Variants in ITSN2 observed in about 807,000 individuals in gnomAD.
ITSN2 encodes intersectin 2, also known as intersectin-2.
In ITSN2, 156 loss-of-function variants were observed where a neutral mutation model predicts 243.7. The ratio of observed to expected loss-of-function variants is 0.64; its 90% CI spans 0.56 to 0.73. ITSN2 has a LOEUF of 0.73. Among genes scored for constraint, ITSN2 ranks in the 30% least tolerant of loss-of-function variants. The probability of loss-of-function intolerance (pLI) is 0.00; values close to 1 mark genes in which losing one functional copy is unlikely to be tolerated. For missense variants in ITSN2, 1,801 were observed against 1,996.1 expected (o/e 0.90, Z 1.86); for synonymous variants, 703 against 699.9 (o/e 1.00, Z -0.07).
intron 29 of ITSN2, among the ~76,000 whole-genome samples, chr2:24,227,413 T>C (rs1488131313): frequency 2.0e-5 from 3 of 151,764 alleles, no homozygotes; most frequent in Non-Finnish European, 4.4e-5. Flanking sequence ...AAAATATATA[T>C]GTTTAACATT....
At chr2:24,260,660 C>A (rs1418878360) in intron 22 of ITSN2, among the ~76,000 whole-genome samples, 1 of 152,104 alleles carries the variant, frequency 6.6e-6, no homozygotes, top group African/African-American at 2.4e-5. Context: ...GTAATCCCAA[C>A]ATTTTGGGAC....
rs193183190 is a variant in ITSN2, at chr2:24,293,035, A to T, written c.1723+653T>A. Among the ~76,000 whole-genome samples, 12 of 152,342 alleles carry T rather than the reference A, an allele frequency of 7.9e-5. No individual in the cohort carries two copies. In the East Asian group the frequency reaches 2.1e-3, roughly 27 times the overall value. On this transcript the variant is annotated intron_variant, in intron 15 of 39. Coordinates refer to ENST00000355123, the MANE Select transcript of ITSN2 (RefSeq NM_006277.3). ...CATCTGCAGATTTACTTTTCTTTAAATAAACCTTGTTTCTGCTATGCTTTT... is the reference window on the plus strand; with the variant it reads ...CATCTGCAGATTTACTTTTCTTTAATTAAACCTTGTTTCTGCTATGCTTTT...
At position 24,204,279 on chromosome 2, in the gene ITSN2, G is replaced by GA. The variant is rs1349218307; in HGVS notation, c.4901dup (p.Thr1635HisfsTer4). On this transcript the variant is annotated frameshift_variant, in exon 39 of 40. Transcript: ENST00000355123. LOFTEE classifies it high-confidence loss of function. The surrounding 1 kb of genome is among the most constrained non-coding windows in gnomAD (Gnocchi z 5.1). ...AAAACTGGTCTCTGTCAAACAGGGTGAGACACAGCACGTCTTGGTAGAGAT... is the reference window on the plus strand; with the variant it reads ...AAAACTGGTCTCTGTCAAACAGGGTGAAGACACAGCACGTCTTGGTAGAGAT... 6.2e-7 allele frequency: 1 copy of GA among 1,614,038 alleles called. No homozygotes were observed. Among genetic ancestry groups the GA allele is most frequent in the Non-Finnish European group, 8.5e-7 (1 of 1,180,018 alleles).
intron 12 of ITSN2, among the ~76,000 whole-genome samples, 170 bp downstream of exon 12, chr2:24,299,739 C>T (rs1681481543): frequency 6.6e-6 from 1 of 152,216 alleles, no homozygotes; most frequent in South Asian, 2.1e-4. Context: ...CAAGAAGCCT[C>T]TTTCCCTCCT....
chr2:24,207,768 CA>C (rs998814648), intron 37 of ITSN2, among the ~76,000 whole-genome samples: 22 of 151,398 alleles, frequency 1.5e-4, no homozygotes, highest in Admixed American at 5.9e-4. Flanking sequence ...GGGGAGGAGG[CA>C]GGGGCAGAAG....
At chr2:24,272,101 A>AAATC (rs1163921168) in intron 18 of ITSN2, among the ~76,000 whole-genome samples, 160 bp from the exon 19 acceptor site, 4 of 152,308 alleles carry the variant, frequency 2.6e-5, no homozygotes, top group Admixed American at 6.5e-5. Flanking sequence ...AAAGGAAAAC[A>AAATC]AATCAATCAA....
At chr2:24,342,153 A>T (rs1687102462) in intron 1 of ITSN2, among the ~76,000 whole-genome samples, 1 of 152,072 alleles carries the variant, frequency 6.6e-6, no homozygotes, top group African/African-American at 2.4e-5. Context: ...AAGCAGAAGA[A>T]AGAGCGATTG....
At chr2:24,236,520 A>ATT (rs1255995109) in intron 29 of ITSN2, among the ~76,000 whole-genome samples, 1 of 152,162 alleles carries the variant, frequency 6.6e-6, no homozygotes, top group Non-Finnish European at 1.5e-5. Flanking sequence ...AAAAAAAGTG[A>ATT]TTACATTCAG....
intron 35 of ITSN2, among the ~76,000 whole-genome samples, chr2:24,209,493 G>C (rs1314555751): frequency 1.3e-5 from 2 of 152,232 alleles, no homozygotes; most frequent in Non-Finnish European, 2.9e-5. Flanking sequence ...GGTGCAAAAG[G>C]CTCTCTGCTA....
Position 24,216,066 on chromosome 2 carries a change from A to C in ITSN2, c.3973T>G (p.Phe1325Val). Residue 1325 changes from phenylalanine to valine, a missense_variant, in exon 32 of 40, where the codon TTC becomes GTC. Transcript: ENST00000355123. ...LQQKTDEDTD[F>V]KEFLKKLASD... ...GGAATTACCTTTAAAAATTCTTTGA[A>C]ATCTGTGTCTTCATCTGTCTTCTGC... The C allele has an allele frequency of 6.3e-7, 1 of 1,596,624 alleles. No individual in the cohort carries two copies. The highest frequency in any genetic ancestry group is 8.5e-7 in the Non-Finnish European group (1 of 1,171,486).
intron 1 of ITSN2, among the ~76,000 whole-genome samples, chr2:24,354,973 A>G (rs1399972842): frequency 6.6e-6 from 1 of 152,232 alleles, no homozygotes; most frequent in African/African-American, 2.4e-5. Context: ...ACAATACTAT[A>G]CATTCTGCAA....
At chr2:24,308,931 A>C (rs1682899000) in intron 7 of ITSN2, 175 bp from the exon 8 acceptor site, 2 of 589,256 alleles carry the variant, frequency 3.4e-6, no homozygotes, top group South Asian at 1.5e-5. Context: ...GTGAGTGAGC[A>C]CTACTACCTG....
chr2:24,299,807 G>A (rs943545347), intron 12 of ITSN2, 102 bp downstream of exon 12: 1 of 992,406 alleles, frequency 1.0e-6, no homozygotes, highest in South Asian at 1.7e-5. Context: ...CAGAGCAAAA[G>A]GCAAAACAAA....
chr2:24,215,218 A>C (rs1669844979), intron 32 of ITSN2, among the ~76,000 whole-genome samples: 1 of 152,196 alleles, frequency 6.6e-6, no homozygotes, highest in Non-Finnish European at 1.5e-5. Context: ...ACATCTGTGC[A>C]CACTTCTGGT....
chr2:24,339,087 A>G (rs182369317), intron 1 of ITSN2, among the ~76,000 whole-genome samples: 2 of 152,274 alleles, frequency 1.3e-5, no homozygotes, highest in African/African-American at 2.4e-5. Context: ...GGACTAGTTA[A>G]AAGAAGGAAA....
Position 24,302,262 on chromosome 2 carries a change from G to A in ITSN2, c.858-160C>T, listed in dbSNP as rs549215685. On this transcript the variant is annotated intron_variant, in intron 9 of 39. Coordinates refer to ENST00000355123, the MANE Select transcript of ITSN2 (RefSeq NM_006277.3). ...CGCTCAACCTGGAGTGCAGTGGCGC[G>A]ATCTCAGCTCACTGCAAGCTCCGCC... Among the ~76,000 whole-genome samples, 25 of 152,054 alleles carry A rather than the reference G, an allele frequency of 1.6e-4. 1 individual carries two copies. The highest frequency in any genetic ancestry group is 6.8e-3 in the Middle Eastern group (2 of 294).
At chr2:24,264,430 A>T (rs1305442736) in intron 20 of ITSN2, among the ~76,000 whole-genome samples, 2 of 151,642 alleles carry the variant, frequency 1.3e-5, no homozygotes, top group African/African-American at 4.8e-5. Context: ...TATTTATTAG[A>T]TTGTCATAGC....
chr2:24,338,518 A>G (rs1686701200), intron 1 of ITSN2, among the ~76,000 whole-genome samples: 1 of 152,198 alleles, frequency 6.6e-6, no homozygotes, highest in South Asian at 2.1e-4. Context: ...ATCTCTTCAT[A>G]TATTTTAGAG....
intron 34 of ITSN2, 130 bp downstream of exon 34, chr2:24,210,650 T>C: frequency 1.5e-6 from 1 of 688,620 alleles, no homozygotes; most frequent in South Asian, 2.7e-5. Context: ...AAAAATGCCT[T>C]TGCAGGGGCA....
Sources: gnomAD v4.1 joint callset for allele counts (sites outside exome capture counted in the v4.1 genomes callset) on GRCh38, gnomAD v4.1.1 for gene constraint, Gnocchi (gnomAD v3.1) non-coding constraint, MANE v1.5 for transcripts, NCBI Gene and HGNC (gene_info 2026-07-23, HGNC 2026-07-21) for gene names.